The following P2RY8 variants were observed in gnomAD, a reference collection of about 807,000 sequenced individuals.
P2RY8 encodes the protein P2Y receptor family member 8.
Under a neutral mutation model 10.0 loss-of-function variants are expected in P2RY8, and 6 were observed. The ratio of observed to expected loss-of-function variants is 0.60; its 90% CI spans 0.33 to 1.19. P2RY8 has a LOEUF of 1.19. Among genes scored for constraint, P2RY8 ranks in the 50% most tolerant of loss-of-function variants. The pLI, the probability that P2RY8 is intolerant of heterozygous loss-of-function variation, is 0.04. For synonymous variants in P2RY8, 276 were observed against 252.5 expected, an observed-to-expected ratio of 1.09 and a Z score of -0.88; for missense variants, 456 against 542.0, an observed-to-expected ratio of 0.84 and a Z score of 1.58.
At chrX:1,495,530 G>C (rs1375800461) in intron 1 of P2RY8, among the ~76,000 whole-genome samples, 1 of 149,984 alleles carries the variant, frequency 6.7e-6, no homozygotes, top group African/African-American at 2.5e-5. Context: ...AACCAGCCCT[G>C]CCCATACCTG....
intron 1 of P2RY8, among the ~76,000 whole-genome samples, chrX:1,476,755 G>C (rs1395078660): frequency 6.6e-6 from 1 of 152,158 alleles, no homozygotes; most frequent in Non-Finnish European, 1.5e-5. Flanking sequence ...ACTTAAGGAA[G>C]GATGCTACTG....
chrX:1,520,586 G>A (rs1348324390), intron 1 of P2RY8, among the ~76,000 whole-genome samples: 3 of 150,200 alleles, frequency 2.0e-5, no homozygotes, highest in African/African-American at 7.4e-5. Flanking sequence ...TTATCTCATT[G>A]GTCCCTAATA....
chrX:1,535,571 GGC>G (rs2092517949), intron 1 of P2RY8, among the ~76,000 whole-genome samples: 1 of 151,840 alleles, frequency 6.6e-6, no homozygotes, highest in South Asian at 2.1e-4. Context: ...GAGATTGAAC[GGC>G]GCAGTCAGGT....
chrX:1,499,152 C>A (rs867931547), intron 1 of P2RY8, among the ~76,000 whole-genome samples: 77 of 136,302 alleles, frequency 5.6e-4, no homozygotes, highest in Non-Finnish European at 1.0e-3. Context: ...TTTTCTTTTT[C>A]TTTTTCTTTT....
At chrX:1,490,226 T>C (rs2092030635) in intron 1 of P2RY8, among the ~76,000 whole-genome samples, 1 of 122,240 alleles carries the variant, frequency 8.2e-6, no homozygotes, top group Non-Finnish European at 1.7e-5. Context: ...AGAGAATGAA[T>C]GAATGATACC....
chrX:1,522,107 C>G (rs1352612738), intron 1 of P2RY8, among the ~76,000 whole-genome samples: 1 of 151,580 alleles, frequency 6.6e-6, no homozygotes. Context: ...CATGCACCAC[C>G]ATGCCCAGCT....
intron 1 of P2RY8, among the ~76,000 whole-genome samples, chrX:1,521,811 C>G (rs746318830): frequency 6.6e-6 from 1 of 151,976 alleles, no homozygotes; most frequent in Non-Finnish European, 1.5e-5. Context: ...GTGAGCGTGA[C>G]GGACAACCTC....
intron 1 of P2RY8, among the ~76,000 whole-genome samples, chrX:1,531,507 G>A (rs1412463993): frequency 6.6e-6 from 1 of 152,036 alleles, no homozygotes; most frequent in South Asian, 2.1e-4. Flanking sequence ...CCCACCCCCA[G>A]CTCATGAACT....
At position 1,476,211 on chromosome X, in the gene P2RY8, C is replaced by A. The variant is rs189706814; in HGVS notation, c.-24-9629G>T. 3.0e-3 allele frequency among the ~76,000 whole-genome samples: 461 copies of A among 152,244 alleles called. 2 individuals are homozygous for A. The highest frequency in any genetic ancestry group is 0.01 in the African/African-American group (435 of 41,532). ...TATGACCAAGTTGTTCAGGATTTTACAATGTGGTCTCAGGGTCACTGTTAG... is the reference window on the plus strand; with the variant it reads ...TATGACCAAGTTGTTCAGGATTTTAAAATGTGGTCTCAGGGTCACTGTTAG... On this transcript the variant is annotated intron_variant, in intron 1 of 1. Transcript: ENST00000381297.
chrX:1,524,669 T>TTCATCCATC (rs2092424043), intron 1 of P2RY8, among the ~76,000 whole-genome samples: 1 of 51,062 alleles, frequency 2.0e-5, no homozygotes, highest in Non-Finnish European at 3.7e-5. Context: ...ATCCATCCAT[T>TTCATCCATC]CATCCATCCA....
At chrX:1,524,804 CTCATCCATCCATCCAT>C (rs2092427733) in intron 1 of P2RY8, among the ~76,000 whole-genome samples, 3 of 31,676 alleles carry the variant, frequency 9.5e-5, no homozygotes, top group Non-Finnish European at 1.5e-4. Flanking sequence ...CATCCATCCA[CTCATCCATCCATCCAT>C]CCATCCATCC....
At chrX:1,533,717 A>G (rs2092500236) in intron 1 of P2RY8, among the ~76,000 whole-genome samples, 1 of 124,538 alleles carries the variant, frequency 8.0e-6, no homozygotes, top group Non-Finnish European at 1.6e-5. Context: ...TTATATATTC[A>G]TTATTTAAAT....
intron 1 of P2RY8, among the ~76,000 whole-genome samples, chrX:1,475,705 C>T (rs1432609034): frequency 6.6e-6 from 1 of 152,106 alleles, no homozygotes; most frequent in Non-Finnish European, 1.5e-5. Flanking sequence ...AAATGAGGAA[C>T]AAGCCAATGG....
intron 1 of P2RY8, among the ~76,000 whole-genome samples, chrX:1,535,832 C>A (rs1301689094): frequency 6.6e-6 from 1 of 151,934 alleles, no homozygotes; most frequent in Non-Finnish European, 1.5e-5. Context: ...CACAGCAGGC[C>A]TTGTTGTGTG....
chrX:1,489,336 G>A (rs2092019052), intron 1 of P2RY8, among the ~76,000 whole-genome samples: 1 of 151,618 alleles, frequency 6.6e-6, no homozygotes, highest in Non-Finnish European at 1.5e-5. Context: ...TGCAACAGTG[G>A]AGAGAATGAA....
At chrX:1,511,216 T>C (rs1454822956) in intron 1 of P2RY8, among the ~76,000 whole-genome samples, 4 of 152,050 alleles carry the variant, frequency 2.6e-5, no homozygotes, top group African/African-American at 9.7e-5. Flanking sequence ...AAACACCTTT[T>C]GATATAGACA....
chrX:1,497,141 C>G (rs75792843), intron 1 of P2RY8, among the ~76,000 whole-genome samples: 62,620 of 142,834 alleles, frequency 0.44, 14,127 homozygotes, highest in Middle Eastern at 0.53. Context: ...AGAATCACTT[C>G]AACCCGGGAG....
At chrX:1,519,915 G>A (rs1352267870) in intron 1 of P2RY8, among the ~76,000 whole-genome samples, 2 of 140,658 alleles carry the variant, frequency 1.4e-5, no homozygotes, top group Non-Finnish European at 3.1e-5. Flanking sequence ...GTTCCCAATA[G>A]TCTCTCTGGT....
chrX:1,505,741 C>G (rs2092226701), intron 1 of P2RY8, among the ~76,000 whole-genome samples: 1 of 151,870 alleles, frequency 6.6e-6, no homozygotes. Context: ...AGTGAGCCGA[C>G]ATGGCGCCAT....
Sources: allele counts gnomAD v4.1 joint callset (sites outside exome capture counted in the v4.1 genomes callset), GRCh38; gene constraint gnomAD v4.1.1; transcripts MANE v1.5; gene names NCBI Gene and HGNC (gene_info 2026-07-23, HGNC 2026-07-21).